MALRD1: variants seen among roughly 807,000 people sequenced by gnomAD.
MALRD1 encodes the protein MAM and LDL-receptor class A domain-containing protein 1.
Under a neutral mutation model 242.1 loss-of-function variants are expected in MALRD1, and 247 were observed. The observed-to-expected ratio is 1.02, with a 90% CI of 0.92 to 1.13. The LOEUF (loss-of-function observed/expected upper bound fraction) is 1.13. MALRD1 is among the 50% of genes most tolerant of loss of function. The probability of loss-of-function intolerance (pLI) is 0.00; values close to 1 mark genes in which losing one functional copy is unlikely to be tolerated. For synonymous variants in MALRD1, 995 were observed against 866.6 expected (o/e 1.15, Z -2.60); for missense variants, 2,989 against 2,533.1 (o/e 1.18, Z -3.86).
At chr10:19,683,296 T>G (rs1003286846) in intron 36 of MALRD1, among the ~76,000 whole-genome samples, 1 of 152,178 alleles carries the variant, frequency 6.6e-6, no homozygotes, top group African/African-American at 2.4e-5. Context: ...GCCAAGCTGT[T>G]AGGGAATGTG....
Position 19,257,756 on chromosome 10 carries a change from T to A in MALRD1, c.3064T>A (p.Cys1022Ser), listed in dbSNP as rs780060374. The A allele has an allele frequency of 6.5e-6, 10 of 1,537,008 alleles. No homozygotes were observed. In the East Asian group the frequency reaches 1.7e-4, roughly 27 times the overall value. ...GATTGATGATCTGTCATTTATGGAC[T>A]GCACCCTCTACCCTGGTAAGAGAGA... ...IAIDDLSFMDCTLYPGNLPAD... is the reference protein window; with the variant it reads ...IAIDDLSFMDSTLYPGNLPAD... Residue 1022 changes from cysteine to serine, a missense_variant, in exon 19 of 40, where the codon TGC becomes AGC. Cys to Ser is a moderately radical substitution (Grantham distance 112, BLOSUM62 -1). Coordinates refer to ENST00000454679, the MANE Select transcript of MALRD1 (RefSeq NM_001142308.3).
chr10:19,313,297 A>G (rs1268725470), intron 21 of MALRD1, among the ~76,000 whole-genome samples: 1 of 3,146 alleles, frequency 3.2e-4, no homozygotes, highest in African/African-American at 3.8e-3. Context: ...ATTTTCAATA[A>G]ATATTATTAA....
intron 1 of MALRD1, among the ~76,000 whole-genome samples, chr10:19,060,382 C>G (rs1029612084): frequency 6.6e-6 from 1 of 152,128 alleles, no homozygotes; most frequent in Non-Finnish European, 1.5e-5. Context: ...GCTTAACCAT[C>G]GACACAAGGT....
At position 19,209,322 on chromosome 10, in the gene MALRD1, C is replaced by T. The variant is rs962792741; in HGVS notation, c.2633C>T (p.Ala878Val). The change falls in exon 18 of 40, where the codon GCA (alanine) becomes GTA (valine). Residue 878 changes from alanine to valine, a missense_variant. Ala to Val is a moderately conservative substitution (Grantham distance 64). Transcript: ENST00000454679. ...ETGICNWEQD[A>V]KDDFDWTRSQ... ...GGAATCTGTAACTGGGAACAAGATG[C>T]AAAAGATGACTTTGATTGGACCAGG... 4 of 1,549,324 alleles carry T rather than the reference C, an allele frequency of 2.6e-6. No homozygotes were observed. The highest frequency in any genetic ancestry group is 2.7e-5 in the African/African-American group (2 of 72,978).
chr10:19,200,491 G>T (rs902625534), intron 14 of MALRD1, among the ~76,000 whole-genome samples: 9 of 152,166 alleles, frequency 5.9e-5, no homozygotes, highest in Middle Eastern at 6.8e-3. Context: ...TACCAGCTCA[G>T]ACTTCAGACT....
chr10:19,194,434 A>G (rs192979493), intron 14 of MALRD1, among the ~76,000 whole-genome samples: 7 of 152,260 alleles, frequency 4.6e-5, no homozygotes, highest in Admixed American at 4.6e-4. Flanking sequence ...TTTCACTGTC[A>G]GTCTTTAGTG....
intron 26 of MALRD1, among the ~76,000 whole-genome samples, chr10:19,362,750 A>G (rs148715658): frequency 7.6e-4 from 115 of 152,268 alleles, no homozygotes; most frequent in African/African-American, 2.7e-3. Context: ...ATTTAGAAAG[A>G]ATCTTTTTGG....
intron 14 of MALRD1, among the ~76,000 whole-genome samples, chr10:19,179,355 TG>T (rs1472941598): frequency 1.3e-5 from 2 of 152,130 alleles, no homozygotes; most frequent in Admixed American, 6.6e-5. Flanking sequence ...AAATGTGTTG[TG>T]GGGGTAGATC....
chr10:19,694,988 C>G (rs936701528), intron 38 of MALRD1, among the ~76,000 whole-genome samples: 2 of 152,100 alleles, frequency 1.3e-5, no homozygotes, highest in East Asian at 3.9e-4. Flanking sequence ...AACCAAACAC[C>G]ACATGTTCTC....
chr10:19,362,860 T>A (rs528522832), intron 26 of MALRD1, among the ~76,000 whole-genome samples: 1 of 152,144 alleles, frequency 6.6e-6, no homozygotes, highest in Non-Finnish European at 1.5e-5. Flanking sequence ...TACCATAGAC[T>A]AGTATGGTGG....
intron 36 of MALRD1, among the ~76,000 whole-genome samples, chr10:19,660,919 C>T (rs1268587599): frequency 6.6e-6 from 1 of 152,150 alleles, no homozygotes; most frequent in African/African-American, 2.4e-5. Flanking sequence ...CATCATTCTT[C>T]CTAACACACT....
chr10:19,635,477 A>C (rs910740587), intron 36 of MALRD1, among the ~76,000 whole-genome samples: 3 of 152,186 alleles, frequency 2.0e-5, no homozygotes, highest in Non-Finnish European at 4.4e-5. Flanking sequence ...TTTAAAATCA[A>C]ATCCAATTCT....
intron 17 of MALRD1, among the ~76,000 whole-genome samples, chr10:19,206,835 G>A (rs911384436): frequency 6.6e-6 from 1 of 152,266 alleles, no homozygotes; most frequent in East Asian, 1.9e-4. Flanking sequence ...TTGCTTTAGC[G>A]TCAGTTTTAT....
intron 14 of MALRD1, among the ~76,000 whole-genome samples, chr10:19,178,580 G>A (rs769942338): frequency 1.3e-5 from 2 of 152,218 alleles, no homozygotes; most frequent in Non-Finnish European, 2.9e-5. Flanking sequence ...CAGTCCGCGT[G>A]ATGAAAATCG....
At chr10:19,195,448 C>T (rs548952208) in intron 14 of MALRD1, among the ~76,000 whole-genome samples, 1 of 152,088 alleles carries the variant, frequency 6.6e-6, no homozygotes, top group African/African-American at 2.4e-5. Flanking sequence ...TTGATATGAT[C>T]GTGTCTCCCA....
rs952164973 is a variant in MALRD1 at position 19,718,021 on chromosome 10, T to C, written c.6315-12685T>C. ...CTACCTAAATAAATAAATAAATAAATAAATAAATAAAGAGGAAGAAGAAGA... is the reference window on the plus strand; with the variant it reads ...CTACCTAAATAAATAAATAAATAAACAAATAAATAAAGAGGAAGAAGAAGA... On this transcript the variant is annotated intron_variant, in intron 38 of 39. Coordinates refer to ENST00000454679, the MANE Select transcript of MALRD1 (RefSeq NM_001142308.3). Among the ~76,000 whole-genome samples, 5 of 113,204 alleles carry C rather than the reference T, an allele frequency of 4.4e-5. No homozygotes were observed. The East Asian group carries it at 7.2e-4, about 16-fold the overall frequency. 74.3% of individuals were successfully genotyped at this position (113,204 alleles called of 152,430 possible). A position where few individuals can be genotyped will look rare whatever the true frequency, so the allele number is the denominator to read the frequency against.
At chr10:19,404,803 A>G (rs7907667) in intron 28 of MALRD1, among the ~76,000 whole-genome samples, 127,694 of 152,090 alleles carry the variant, frequency 0.84, 53,919 homozygotes, top group African/African-American at 0.87. Flanking sequence ...AATAACTTCA[A>G]TGTGAACACC....
At chr10:19,435,721 C>T (rs1834326650) in intron 28 of MALRD1, among the ~76,000 whole-genome samples, 1 of 152,098 alleles carries the variant, frequency 6.6e-6, no homozygotes, top group African/African-American at 2.4e-5. Flanking sequence ...TGTCAAGTTC[C>T]TTCCCATATC....
chr10:19,676,310 A>G (rs569888605), intron 36 of MALRD1, among the ~76,000 whole-genome samples: 2 of 152,326 alleles, frequency 1.3e-5, no homozygotes, highest in East Asian at 1.9e-4. Flanking sequence ...AGAGCCTGGT[A>G]CAGTACTAGA....
Sources: gnomAD v4.1 joint callset for allele counts (sites outside exome capture counted in the v4.1 genomes callset) on GRCh38, gnomAD v4.1.1 for gene constraint, MANE v1.5 for transcripts, NCBI Gene and HGNC (gene_info 2026-07-23, HGNC 2026-07-21) for gene names.